Variants in SLC5A8 observed in about 807,000 individuals in gnomAD.
The protein encoded by SLC5A8 is solute carrier family 5 member 8.
In SLC5A8, 55 loss-of-function variants were observed where a neutral mutation model predicts 71.9. The observed-to-expected ratio is 0.77, with a 90% confidence interval of 0.62 to 0.96. The LOEUF is 0.96. SLC5A8 is among the 40% of genes least tolerant of loss of function. The pLI is 0.00. For synonymous variants in SLC5A8, 307 were observed against 276.1 expected (o/e 1.11, Z -1.11); for missense variants, 701 against 745.3 (o/e 0.94, Z 0.69).
intron 12 of SLC5A8, among the ~76,000 whole-genome samples, chr12:101,164,854 G>A (rs2051754763): frequency 6.6e-6 from 1 of 152,140 alleles, no homozygotes; most frequent in African/African-American, 2.4e-5. Flanking sequence ...TGACAAGAAT[G>A]ACTTTCCAGA....
chr12:101,193,623 A>C lies in SLC5A8; in HGVS notation c.692+2T>G. 6.2e-7 allele frequency: 1 copy of C among 1,612,938 alleles called. No individual in the cohort carries two copies. Among genetic ancestry groups the C allele is most frequent in the Non-Finnish European group, 8.5e-7 (1 of 1,179,570 alleles). Reference sequence around the variant, plus strand: ...TCAGTTACCCAAGTACTAGACACTTACTTCCAGAAATTTAATCTTCCACCA... The same window carrying C: ...TCAGTTACCCAAGTACTAGACACTTCCTTCCAGAAATTTAATCTTCCACCA... On this transcript the variant is annotated splice_donor_variant, in intron 5 of 14. Coordinates refer to ENST00000536262, the MANE Select transcript of SLC5A8 (RefSeq NM_145913.5). LOFTEE classifies it high-confidence loss of function.
In SLC5A8 at chr12:101,197,054, T is replaced by C. The variant is rs182812258; in HGVS notation, c.470-1892A>G. Reference sequence around the variant, plus strand: ...AATAATAATACTAACGATAATGCTATGAAATAACAGCAAACCTTTAAATCC... The same window carrying C: ...AATAATAATACTAACGATAATGCTACGAAATAACAGCAAACCTTTAAATCC... On this transcript the variant is annotated intron_variant, in intron 3 of 14. Coordinates refer to ENST00000536262, the MANE Select transcript of SLC5A8 (RefSeq NM_145913.5). Among the ~76,000 whole-genome samples, 8 of 152,330 alleles carry C rather than the reference T, an allele frequency of 5.3e-5. No individual in the cohort carries two copies. The East Asian group carries it at 9.6e-4, about 18-fold the overall frequency.
chr12:101,202,058 T>C lies in SLC5A8; in HGVS notation c.469+106A>G, dbSNP rs142642993. The C allele has an allele frequency of 4.6e-5, 50 of 1,086,720 alleles. No homozygotes were observed. The East Asian group carries it at 1.1e-3, about 23-fold the overall frequency. 67.3% of individuals were successfully genotyped at this position (1,086,720 alleles called of 1,614,324 possible). On this transcript the variant is annotated intron_variant, in intron 3 of 14. Coordinates refer to ENST00000536262, the MANE Select transcript of SLC5A8 (RefSeq NM_145913.5). ...CCCGCTAAGTAAAGCTGATGCAGGT[T>C]ACTAGAAGCATTCCTCCATCTCCCC...
chr12:101,181,949 C>T (rs1868379174), intron 9 of SLC5A8, among the ~76,000 whole-genome samples: 1 of 152,038 alleles, frequency 6.6e-6, no homozygotes, highest in Non-Finnish European at 1.5e-5. Context: ...CTTTGACAGT[C>T]TATTGATGTT....
chr12:101,177,020 C>A (rs2051885449), intron 10 of SLC5A8, among the ~76,000 whole-genome samples: 1 of 151,818 alleles, frequency 6.6e-6, no homozygotes, highest in Non-Finnish European at 1.5e-5. Context: ...AATTGACAAA[C>A]CTGTAGCAAG....
At chr12:101,158,550 GTCTC>G (rs372186123) in intron 13 of SLC5A8, among the ~76,000 whole-genome samples, 556 of 48,222 alleles carry the variant, frequency 0.012, 9 homozygotes, top group Middle Eastern at 0.017. Flanking sequence ...ATAAATATGA[GTCTC>G]TCTCTCTCTC....
intron 2 of SLC5A8, 143 bp downstream of exon 2, chr12:101,204,357 C>A (rs1869588062): frequency 7.3e-6 from 5 of 685,762 alleles, no homozygotes; most frequent in Non-Finnish European, 1.3e-5. Flanking sequence ...TGTACAGTGA[C>A]AAGTGTTTTT....
In SLC5A8 at chr12:101,156,917, C is replaced by A; in HGVS notation, c.*362G>T. 5.8e-6 allele frequency: 1 copy of A among 172,782 alleles called. No individual in the cohort carries two copies. The allele number at this position is 172,782 out of a possible 1,614,324, so 10.7% of individuals were successfully genotyped here. ...AACTTCCAAACTTATATGCTAGCACCAAGGCATGGAAAATATTTTCAATAA... is the reference window on the plus strand; with the variant it reads ...AACTTCCAAACTTATATGCTAGCACAAAGGCATGGAAAATATTTTCAATAA... On this transcript the variant is annotated 3_prime_UTR_variant, in exon 15 of 15. Transcript: ENST00000536262.
intron 3 of SLC5A8, among the ~76,000 whole-genome samples, chr12:101,201,094 A>C (rs1291484843): frequency 6.6e-6 from 1 of 152,212 alleles, no homozygotes; most frequent in Non-Finnish European, 1.5e-5. Flanking sequence ...GATTAAAGTC[A>C]GTCCTCTGGT....
intron 6 of SLC5A8, among the ~76,000 whole-genome samples, chr12:101,188,879 T>C (rs1023168452): frequency 2.0e-5 from 3 of 152,216 alleles, no homozygotes; most frequent in Non-Finnish European, 4.4e-5. Flanking sequence ...TAATATATTG[T>C]TTTATTTCAC....
chr12:101,201,620 A>G (rs1269720132), intron 3 of SLC5A8, among the ~76,000 whole-genome samples: 1 of 152,202 alleles, frequency 6.6e-6, no homozygotes, highest in Non-Finnish European at 1.5e-5. Flanking sequence ...TACTTTGTTG[A>G]GCAGCACAAT....
chr12:101,209,698 T>C lies in SLC5A8; in HGVS notation c.151A>G (p.Arg51Gly), dbSNP rs774721795. The C allele has an allele frequency of 1.2e-6, 2 of 1,613,464 alleles. No homozygotes were observed. Among genetic ancestry groups the C allele is most frequent in the Non-Finnish European group, 1.7e-6 (2 of 1,180,026 alleles). ...AGCGCCACGGGCACTGCGGTCATTC[T>C]GCGGCCGCCCATCAGGAAGTCCTTG... ...TSKDFLMGGR[R>G]MTAVPVALSL... Residue 51 changes from arginine to glycine, a missense_variant, in exon 1 of 15, where the codon AGA becomes GGA. Transcript: ENST00000536262.
chr12:101,209,798 C>T lies in SLC5A8; in HGVS notation c.51G>A (p.Val17=), dbSNP rs772605065. ...IGTFVVWDYV[V]FAGMLVISAA... ...CCGAGATGACCAGCATGCCCGCGAA[C>T]ACCACGTAGTCCCACACCACGAAGG... Residue 17 remains valine (V), a synonymous_variant, in exon 1 of 15, where the codon GTG becomes GTA. Coordinates refer to ENST00000536262, the MANE Select transcript of SLC5A8 (RefSeq NM_145913.5). 3.1e-6 allele frequency: 5 copies of T among 1,603,540 alleles called. No homozygotes were observed. The highest frequency in any genetic ancestry group is 1.1e-5 in the South Asian group (1 of 89,398).
chr12:101,167,854 T>C (rs2051787732), intron 11 of SLC5A8, among the ~76,000 whole-genome samples: 1 of 152,236 alleles, frequency 6.6e-6, no homozygotes, highest in Non-Finnish European at 1.5e-5. Flanking sequence ...GCTCCTTTAG[T>C]TATATTATGA....
At chr12:101,157,433 G>C in intron 14 of SLC5A8, 32 bp from the exon 15 acceptor site, 1 of 1,543,868 alleles carries the variant, frequency 6.5e-7, no homozygotes, top group Non-Finnish European at 8.8e-7. Flanking sequence ...GTGATTAGGG[G>C]GAGAAAAAGA....
At chr12:101,162,938 G>A (rs1228008971) in intron 12 of SLC5A8, among the ~76,000 whole-genome samples, 1 of 152,172 alleles carries the variant, frequency 6.6e-6, no homozygotes, top group East Asian at 1.9e-4. Context: ...AGTGCTGTAA[G>A]GAAAGTAAAA....
intron 12 of SLC5A8, among the ~76,000 whole-genome samples, chr12:101,165,783 C>T (rs1049831602): frequency 4.6e-5 from 7 of 152,278 alleles, no homozygotes; most frequent in African/African-American, 1.7e-4. Flanking sequence ...TAAGCTGGCA[C>T]TGGGGCAATA....
intron 6 of SLC5A8, among the ~76,000 whole-genome samples, chr12:101,188,568 G>A (rs1306229539): frequency 6.6e-6 from 1 of 152,172 alleles, no homozygotes; most frequent in Non-Finnish European, 1.5e-5. Flanking sequence ...CCTAGCTCTA[G>A]AGCTCCCTTT....
chr12:101,172,568 G>A (rs1464257974), intron 10 of SLC5A8, among the ~76,000 whole-genome samples: 2 of 152,132 alleles, frequency 1.3e-5, no homozygotes, highest in Admixed American at 6.5e-5. Flanking sequence ...AGGCCAGGGA[G>A]AGCAGAGCCC....
Sources: allele counts gnomAD v4.1 joint callset (sites outside exome capture counted in the v4.1 genomes callset), GRCh38; gene constraint gnomAD v4.1.1; transcripts MANE v1.5; gene names NCBI Gene and HGNC (gene_info 2026-07-23, HGNC 2026-07-21).